The following MORC3 variants were observed in gnomAD, a reference collection of about 807,000 sequenced individuals.
MORC3 encodes the protein MORC family CW-type zinc finger protein 3.
Under a neutral mutation model 109.1 loss-of-function variants are expected in MORC3, and 31 were observed. The observed-to-expected ratio is 0.28, with a 90% CI of 0.21 to 0.38. MORC3 has a LOEUF of 0.38. MORC3 is among the 10% of genes least tolerant of loss of function. MORC3 has a pLI of 1.00. For missense variants in MORC3, 867 were observed against 1,135.8 expected, an observed-to-expected ratio of 0.76 and a Z score of 3.40; for synonymous variants, 395 against 380.7, an observed-to-expected ratio of 1.04 and a Z score of -0.44.
intron 16 of MORC3, among the ~76,000 whole-genome samples, chr21:36,373,879 A>G (rs1483181406): frequency 6.6e-6 from 1 of 152,216 alleles, no homozygotes; most frequent in African/African-American, 2.4e-5. Context: ...TTGCCATAAT[A>G]TTTGAAGCAA....
At position 36,375,284 on chromosome 21, in the gene MORC3, CAGT is replaced by C; in HGVS notation, c.2813_2815del (p.Ser938del). ...AAGTTGTTGAACAAATGAGTGAAATCAGTAGTACTTAAAGTATATGTTATGTAA... is the reference window on the plus strand; with the variant it reads ...AAGTTGTTGAACAAATGAGTGAAATCAGTACTTAAAGTATATGTTATGTAA... On this transcript the variant is annotated inframe_deletion, in exon 17 of 17. Transcript: ENST00000400485. 1 of 1,611,660 alleles carries C rather than the reference CAGT, an allele frequency of 6.2e-7. No homozygotes were observed. Among genetic ancestry groups the C allele is most frequent in the South Asian group, 1.1e-5 (1 of 90,876 alleles).
chr21:36,369,049 A>T lies in MORC3; in HGVS notation c.1681A>T (p.Ser561Cys), dbSNP rs1163701286. The part of the protein sequence containing the change: ...ILNAKNRRLS[S>C]QFENSVYKGD... ...GAATGCAAAGAATCGGAGATTGAGT[A>T]GTCAGTTTGAAAATTCAGTTTATAA... The change falls in exon 15 of 17, where the codon AGT (serine) becomes TGT (cysteine). Residue 561 changes from serine (S) to cysteine (C), a missense_variant. Physicochemically the swap from Ser to Cys is moderately radical, Grantham distance 112. Transcript: ENST00000400485. 6.2e-7 allele frequency: 1 copy of T among 1,614,050 alleles called. No homozygotes were observed. The highest frequency in any genetic ancestry group is 1.3e-5 in the African/African-American group (1 of 75,032).
chr21:36,328,552 G>C (rs1358572224), intron 1 of MORC3, among the ~76,000 whole-genome samples: 1 of 152,124 alleles, frequency 6.6e-6, no homozygotes, highest in East Asian at 1.9e-4. Flanking sequence ...TGTTGGCCAG[G>C]CTGGTCTTGA....
At chr21:36,347,021 A>C (rs944557703) in intron 8 of MORC3, among the ~76,000 whole-genome samples, 13 of 151,242 alleles carry the variant, frequency 8.6e-5, no homozygotes, top group African/African-American at 2.9e-4. Context: ...AAAAAAAAAA[A>C]AAAAACAAAG....
rs1256625225 is a variant in MORC3, at chr21:36,372,507, C to T, written c.2642C>T (p.Ser881Phe). Residue 881 changes from serine (S) to phenylalanine (F), a missense_variant, in exon 16 of 17, where the codon TCT becomes TTT. Physicochemically the swap from Ser to Phe is radical, Grantham distance 155 (BLOSUM62 -2). Around this residue, in one of 7 missense-constraint regions of MORC3, gnomAD observed 486 missense variants for 502.1 expected, o/e 0.97. Coordinates refer to ENST00000400485, the MANE Select transcript of MORC3 (RefSeq NM_015358.3). The part of the protein sequence containing the change: ...DVSTSSNIEE[S>F]VNHMDGESLK... Reference sequence around the variant, plus strand: ...TCAACATCAAGTAACATTGAGGAGTCTGTAAATCATATGGATGGAGAAAGG... The same window carrying T: ...TCAACATCAAGTAACATTGAGGAGTTTGTAAATCATATGGATGGAGAAAGG... 6.3e-7 allele frequency: 1 copy of T among 1,587,508 alleles called. No homozygotes were observed. The highest frequency in any genetic ancestry group is 2.3e-5 in the East Asian group (1 of 44,364).
chr21:36,321,537 ATTCTTTTT>A (rs1244066420), intron 1 of MORC3, among the ~76,000 whole-genome samples: 2 of 147,172 alleles, frequency 1.4e-5, no homozygotes, highest in Non-Finnish European at 3.0e-5. Flanking sequence ...GGACAATTTT[ATTCTTTTT>A]TTCTTTTTTT....
intron 8 of MORC3, among the ~76,000 whole-genome samples, chr21:36,349,059 A>G (rs921670325): frequency 6.6e-6 from 1 of 152,038 alleles, no homozygotes; most frequent in South Asian, 2.1e-4. Flanking sequence ...GGCTGAGGCA[A>G]CGAGAGTCAC....
chr21:36,335,613 G>A (rs188115946), intron 2 of MORC3, among the ~76,000 whole-genome samples: 35 of 152,260 alleles, frequency 2.3e-4, no homozygotes, highest in African/African-American at 8.2e-4. Context: ...GCTGCGCCCA[G>A]CCCTATTTTT....
At chr21:36,353,096 C>T (rs374036917) in intron 9 of MORC3, among the ~76,000 whole-genome samples, 41 of 152,036 alleles carry the variant, frequency 2.7e-4, no homozygotes, top group Middle Eastern at 6.8e-3. Context: ...TGGTGGCTCA[C>T]GCCTGTAATC....
At chr21:36,350,282 C>A (rs776744550) in intron 9 of MORC3, among the ~76,000 whole-genome samples, 2 of 151,728 alleles carry the variant, frequency 1.3e-5, no homozygotes, top group Admixed American at 1.3e-4. Flanking sequence ...TACTCCAACC[C>A]GATGACAGAG....
At chr21:36,330,358 C>T (rs574954480) in intron 1 of MORC3, among the ~76,000 whole-genome samples, 18 of 152,280 alleles carry the variant, frequency 1.2e-4, no homozygotes, top group Admixed American at 4.6e-4. Context: ...CAAACATTTC[C>T]TCTCTGTTGA....
At chr21:36,344,817 C>T in intron 7 of MORC3, 95 bp from the exon 8 acceptor site, 1 of 1,594,750 alleles carries the variant, frequency 6.3e-7, no homozygotes, top group Non-Finnish European at 8.6e-7. Context: ...CTTTGCCCTC[C>T]TTTGTGTGCT....
rs550094309 is a variant in MORC3 at position 36,337,864 on chromosome 21, C to T, written c.378C>T (p.Ser126=). 6.2e-6 allele frequency: 10 copies of T among 1,614,120 alleles called. No individual in the cohort carries two copies. In the East Asian group the frequency reaches 6.7e-5, roughly 11 times the overall value. Residue 126 remains serine (S), a synonymous_variant, in exon 4 of 17, where the codon AGC becomes AGT. Transcript: ENST00000400485. The part of the protein sequence containing the change: ...IVFTKNGESM[S]VGLLSQTYLE... ...TTACCAAAAATGGAGAAAGCATGAG[C>T]GTGGGCCTTTTGTCTCAGACCTACT...
chr21:36,345,117 A>G, intron 8 of MORC3, 86 bp downstream of exon 8: 1 of 1,321,632 alleles, frequency 7.6e-7, no homozygotes, highest in South Asian at 1.5e-5. Context: ...AATGTTAAAT[A>G]ATTTTATTGT....
At position 36,351,983 on chromosome 21, in the gene MORC3, C is replaced by T. The variant is rs146600441; in HGVS notation, c.1103+2575C>T. 6.6e-4 allele frequency among the ~76,000 whole-genome samples: 100 copies of T among 152,214 alleles called. No homozygotes were observed. The East Asian group carries it at 0.013, about 20-fold the overall frequency. On this transcript the variant is annotated intron_variant, in intron 9 of 16. Transcript: ENST00000400485. Reference sequence around the variant, plus strand: ...AGAGTACAGGAAAGGAAATTTATGTCAGTCTCTTATCATAGAATTAAAAGT... The same window carrying T: ...AGAGTACAGGAAAGGAAATTTATGTTAGTCTCTTATCATAGAATTAAAAGT...
rs371835814 is a variant in MORC3 at position 36,355,584 on chromosome 21, C to T, written c.1104-1036C>T. On this transcript the variant is annotated intron_variant, in intron 9 of 16. Coordinates refer to ENST00000400485, the MANE Select transcript of MORC3 (RefSeq NM_015358.3). ...TTGGACTTAAATCCTGGTTTATGCT[C>T]CTCTTTTTTGCTAATAAGTGTTCTT... 2.6e-5 allele frequency among the ~76,000 whole-genome samples: 4 copies of T among 152,210 alleles called. No individual in the cohort carries two copies. In the East Asian group the frequency reaches 5.8e-4, roughly 22 times the overall value.
intron 2 of MORC3, among the ~76,000 whole-genome samples, chr21:36,334,401 C>G (rs1422218171): frequency 6.6e-6 from 1 of 152,090 alleles, no homozygotes; most frequent in Non-Finnish European, 1.5e-5. Context: ...TGCTAAGTTC[C>G]TGAAGTGTTT....
At chr21:36,343,858 TATTA>T (rs2085479096) in intron 6 of MORC3, among the ~76,000 whole-genome samples, 2 of 152,056 alleles carry the variant, frequency 1.3e-5, no homozygotes, top group Non-Finnish European at 2.9e-5. Context: ...GCAATTACAT[TATTA>T]GTAATAGTAA....
intron 6 of MORC3, among the ~76,000 whole-genome samples, chr21:36,343,294 C>T (rs578013727): frequency 6.6e-6 from 1 of 151,962 alleles, no homozygotes; most frequent in Admixed American, 6.6e-5. Context: ...AAGGTTTCAC[C>T]ATGTTGGCCA....
Sources: allele counts gnomAD v4.1 joint callset (sites outside exome capture counted in the v4.1 genomes callset), GRCh38; gene constraint gnomAD v4.1.1; regional missense constraint gnomAD v4.1.1; transcripts MANE v1.5; gene names NCBI Gene and HGNC (gene_info 2026-07-23, HGNC 2026-07-21).